The following LNPK variants were observed in gnomAD, a reference collection of about 807,000 sequenced individuals.
The protein encoded by LNPK is lunapark, ER junction formation factor.
LNPK carries 29 observed loss-of-function variants against 55.2 expected under a neutral mutation model. That is an observed-to-expected ratio of 0.53 (90% CI 0.39 to 0.72). The LOEUF (loss-of-function observed/expected upper bound fraction) is 0.72, where lower values mean the gene tolerates loss of function less well. LNPK is among the 30% of genes least tolerant of loss of function. The pLI is 0.00. For synonymous variants in LNPK, 162 were observed against 168.2 expected, an observed-to-expected ratio of 0.96 and a Z score of 0.29; for missense variants, 467 against 494.8, an observed-to-expected ratio of 0.94 and a Z score of 0.53.
chr2:175,985,338 CA>C (rs1687354587), intron 4 of LNPK, among the ~76,000 whole-genome samples: 2 of 152,162 alleles, frequency 1.3e-5, no homozygotes, highest in African/African-American at 4.8e-5. Context: ...AAAACCCACT[CA>C]AAGGAATTCA....
chr2:175,978,698 G>A (rs1687023793), intron 5 of LNPK, among the ~76,000 whole-genome samples: 1 of 152,176 alleles, frequency 6.6e-6, no homozygotes, highest in African/African-American at 2.4e-5. Flanking sequence ...GTCTGGTCAG[G>A]TGAGCATGTT....
intron 6 of LNPK, among the ~76,000 whole-genome samples, chr2:175,970,226 A>G (rs1261903085): frequency 6.6e-6 from 1 of 152,158 alleles, no homozygotes; most frequent in Non-Finnish European, 1.5e-5. Flanking sequence ...ACACATCTGA[A>G]GGGATGCATC....
At chr2:175,938,216 G>A (rs894971969) in intron 11 of LNPK, 97 bp downstream of exon 11, 1 of 735,486 alleles carries the variant, frequency 1.4e-6, no homozygotes. Context: ...TGTATACAAA[G>A]AGAGTATATA....
At chr2:175,974,699 T>A (rs1326975850) in intron 5 of LNPK, among the ~76,000 whole-genome samples, 2 of 151,992 alleles carry the variant, frequency 1.3e-5, no homozygotes, top group Non-Finnish European at 2.9e-5. Flanking sequence ...GTCCAACTTG[T>A]AAAACAAAAC....
At chr2:175,930,887 T>C (rs1172579116) in intron 12 of LNPK, among the ~76,000 whole-genome samples, 2 of 152,180 alleles carry the variant, frequency 1.3e-5, no homozygotes, top group Admixed American at 1.3e-4. Context: ...TTTAATCCCA[T>C]CTCCATAGCA....
intron 2 of LNPK, chr2:175,994,191 T>C: frequency 1.0e-6 from 1 of 981,852 alleles, no homozygotes; most frequent in Non-Finnish European, 1.2e-6. Context: ...GTAGTTTCCA[T>C]AAGAGTTGTT....
chr2:175,951,842 A>G (rs1484233182), intron 8 of LNPK, among the ~76,000 whole-genome samples: 2 of 151,916 alleles, frequency 1.3e-5, no homozygotes, highest in Admixed American at 1.3e-4. Flanking sequence ...ACTAGTTTAC[A>G]TTCCCACCAG....
intron 8 of LNPK, among the ~76,000 whole-genome samples, chr2:175,948,966 T>C (rs1021080081): frequency 6.6e-6 from 1 of 152,156 alleles, no homozygotes; most frequent in Non-Finnish European, 1.5e-5. Flanking sequence ...ATTAGGATAA[T>C]ATTAACTAAT....
intron 12 of LNPK, 119 bp from the exon 13 acceptor site, chr2:175,930,318 AAAGAAAC>A: frequency 1.7e-5 from 11 of 652,958 alleles, no homozygotes; most frequent in African/African-American, 3.8e-5. Flanking sequence ...ACACACACAC[AAAGAAAC>A]CATACAATTG....
intron 6 of LNPK, among the ~76,000 whole-genome samples, chr2:175,964,983 G>A (rs955528778): frequency 3.3e-5 from 5 of 152,110 alleles, no homozygotes; most frequent in East Asian, 1.9e-4. Flanking sequence ...AAAGAAGGTC[G>A]TTAGCCAAGA....
intron 4 of LNPK, among the ~76,000 whole-genome samples, chr2:175,986,996 C>CA (rs1163226488): frequency 2.1e-5 from 3 of 141,694 alleles, no homozygotes; most frequent in Non-Finnish European, 4.7e-5. Flanking sequence ...ACGAAAAAAA[C>CA]AAAAGGAGGT....
intron 8 of LNPK, among the ~76,000 whole-genome samples, chr2:175,954,341 A>C (rs1190187681): frequency 1.3e-5 from 2 of 152,190 alleles, no homozygotes; most frequent in Non-Finnish European, 2.9e-5. Context: ...GATAAACAGG[A>C]AAATGGCCTC....
chr2:175,941,240 G>A (rs955776827), intron 9 of LNPK, among the ~76,000 whole-genome samples: 6 of 140,094 alleles, frequency 4.3e-5, no homozygotes, highest in South Asian at 2.1e-4. Flanking sequence ...GACAGAGCAA[G>A]ACCACAGAAC....
intron 9 of LNPK, among the ~76,000 whole-genome samples, chr2:175,944,416 T>C (rs1186441349): frequency 6.6e-6 from 1 of 151,960 alleles, no homozygotes; most frequent in South Asian, 2.1e-4. Flanking sequence ...ATAACAAAAA[T>C]AAAGAGTTAC....
intron 8 of LNPK, among the ~76,000 whole-genome samples, chr2:175,950,071 C>T (rs1421167225): frequency 6.6e-6 from 1 of 152,028 alleles, no homozygotes; most frequent in East Asian, 1.9e-4. Flanking sequence ...AAGCATTCCA[C>T]ATGAATCTGG....
chr2:175,961,599 T>C (rs746288846), intron 8 of LNPK, among the ~76,000 whole-genome samples: 3 of 152,066 alleles, frequency 2.0e-5, no homozygotes, highest in Non-Finnish European at 1.5e-5. Context: ...AAATATCATA[T>C]TGAATGGGCA....
chr2:175,968,388 T>C (rs1286213244), intron 6 of LNPK, among the ~76,000 whole-genome samples: 4 of 152,172 alleles, frequency 2.6e-5, no homozygotes, highest in Non-Finnish European at 5.9e-5. Context: ...AGCACAAAAT[T>C]TTCATGAAGC....
chr2:175,977,204 T>A (rs984916553), intron 5 of LNPK, among the ~76,000 whole-genome samples: 3 of 152,158 alleles, frequency 2.0e-5, no homozygotes, highest in African/African-American at 7.2e-5. Context: ...ATAGGCAATA[T>A]CTGAATCTGT....
At chr2:175,998,461 G>C (rs75344957) in intron 1 of LNPK, among the ~76,000 whole-genome samples, 27 of 137,610 alleles carry the variant, frequency 2.0e-4, no homozygotes, top group Admixed American at 1.3e-3. Flanking sequence ...AAAAAAAAAA[G>C]AAGAAAAGAA....
Sources: allele counts gnomAD v4.1 joint callset (sites outside exome capture counted in the v4.1 genomes callset), GRCh38; gene constraint gnomAD v4.1.1; transcripts MANE v1.5; gene names NCBI Gene and HGNC (gene_info 2026-07-23, HGNC 2026-07-21).